The following SPG11 variants were observed in gnomAD, a reference collection of about 807,000 sequenced individuals.
SPG11 encodes spatacsin.
A neutral mutation model predicts 274.0 loss-of-function variants in SPG11; 222 were observed. The observed-to-expected ratio is 0.81, with a 90% confidence interval of 0.73 to 0.91. SPG11 has a LOEUF of 0.91. Among genes scored for constraint, SPG11 ranks in the 40% least tolerant of loss-of-function variants. SPG11 has a pLI of 0.00. For missense variants in SPG11, 3,114 were observed against 2,872.7 expected, an observed-to-expected ratio of 1.08 and a Z score of -1.92; for synonymous variants, 1,144 against 1,039.7, an observed-to-expected ratio of 1.10 and a Z score of -1.93.
intron 16 of SPG11, among the ~76,000 whole-genome samples, chr15:44,614,603 A>C (rs369861699): frequency 4.6e-5 from 7 of 152,340 alleles, no homozygotes; most frequent in African/African-American, 1.4e-4. Flanking sequence ...CCAGAATAAA[A>C]ATTAAGTAGA....
chr15:44,571,743 C>T (rs535654271), intron 33 of SPG11, among the ~76,000 whole-genome samples: 3 of 151,982 alleles, frequency 2.0e-5, no homozygotes, highest in Non-Finnish European at 4.4e-5. Flanking sequence ...ATGATCCACC[C>T]GCCTCGGCCT....
chr15:44,609,469 T>G (rs1329995797), intron 18 of SPG11, among the ~76,000 whole-genome samples: 1 of 152,064 alleles, frequency 6.6e-6, no homozygotes, highest in Non-Finnish European at 1.5e-5. Context: ...CAGGCCACTC[T>G]ACTTCTAAAA....
chr15:44,616,086 T>C (rs1329528152), intron 15 of SPG11, among the ~76,000 whole-genome samples: 1 of 152,194 alleles, frequency 6.6e-6, no homozygotes, highest in Admixed American at 6.5e-5. Flanking sequence ...AGAAACATCA[T>C]GGAACCACTA....
chr15:44,572,781 G>C lies in SPG11; in HGVS notation c.6245C>G (p.Thr2082Arg). 6.2e-7 allele frequency: 1 copy of C among 1,614,076 alleles called. No homozygotes were observed. Among genetic ancestry groups the C allele is most frequent in the Non-Finnish European group, 8.5e-7 (1 of 1,179,992 alleles). Reference protein sequence around the residue: ...QMFNPTEESQTFLQLTTLCQD... With the variant: ...QMFNPTEESQRFLQLTTLCQD... ...ACACAGAGTGGTCAGCTGAAGAAAT[G>C]TCTGGCTTTCCTCTGTTGGGTTGAA... Residue 2082 changes from threonine (T) to arginine (R), a missense_variant, in exon 33 of 40, where the codon ACA becomes AGA. Physicochemically the swap from Thr to Arg is moderately conservative, Grantham distance 71 (BLOSUM62 -1). Transcript: ENST00000261866.
At chr15:44,573,252 T>G (rs1180080169) in intron 32 of SPG11, 2 of 564,450 alleles carry the variant, frequency 3.5e-6, no homozygotes, top group Non-Finnish European at 3.1e-6. Context: ...CCCAAAGTGC[T>G]GGGATTACAG....
intron 30 of SPG11, among the ~76,000 whole-genome samples, chr15:44,578,689 T>C (rs1418572732): frequency 6.6e-6 from 1 of 152,204 alleles, no homozygotes; most frequent in Non-Finnish European, 1.5e-5. Flanking sequence ...ATCTGAATAC[T>C]ACCGCAAAGG....
chr15:44,635,249 C>T (rs530520298), intron 7 of SPG11, among the ~76,000 whole-genome samples: 20 of 151,748 alleles, frequency 1.3e-4, no homozygotes, highest in African/African-American at 4.8e-4. Flanking sequence ...GAGCATGTGG[C>T]CTGAGAAGCC....
intron 7 of SPG11, among the ~76,000 whole-genome samples, chr15:44,639,578 C>T (rs1349411110): frequency 5.3e-5 from 8 of 151,970 alleles, no homozygotes; most frequent in Non-Finnish European, 2.9e-5. Flanking sequence ...TGGTGTGCAA[C>T]CGTAGTCCCA....
rs534771304 is a variant in SPG11 at position 44,606,037 on chromosome 15, G to C, written c.3508C>G (p.Leu1170Val). Residue 1170 changes from leucine to valine, a missense_variant, in exon 20 of 40, where the codon CTA (leucine) becomes GTA (valine). Transcript: ENST00000261866. ...CATGATGACTTACCTCCTATAGCTA[G>C]TGTGTTAGCAGACTGCCAGCCAAAC... The part of the protein sequence containing the change: ...RLFGWQSANT[L>V]AIGDAWSHLP... 3.7e-6 allele frequency: 6 copies of C among 1,613,658 alleles called. No individual in the cohort carries two copies. Among genetic ancestry groups the C allele is most frequent in the Non-Finnish European group, 5.1e-6 (6 of 1,179,708 alleles).
At position 44,626,405 on chromosome 15, in the gene SPG11, T is replaced by A; in HGVS notation, c.2170A>T (p.Ile724Leu). The A allele has an allele frequency of 1.2e-6, 2 of 1,613,918 alleles. No individual in the cohort carries two copies. The highest frequency in any genetic ancestry group is 1.1e-5 in the South Asian group (1 of 91,046). ...SAQKLEELIG[I>L]GLNLVFDNLK... ...TTGTCAAAGACCAAATTTAGGCCTATGCCAATAAGCTCCTCAAGTTTTTGA... is the reference window on the plus strand; with the variant it reads ...TTGTCAAAGACCAAATTTAGGCCTAAGCCAATAAGCTCCTCAAGTTTTTGA... The change falls in exon 11 of 40, where the codon ATA becomes TTA. Residue 724 changes from isoleucine to leucine, a missense_variant. Coordinates refer to ENST00000261866, the MANE Select transcript of SPG11 (RefSeq NM_025137.4).
rs1428320463 is a variant in SPG11 at position 44,569,267 on chromosome 15, G to C, written c.6585+131C>G. On this transcript the variant is annotated intron_variant, in intron 35 of 39. Transcript: ENST00000261866. ...AGCCACTGGTGACAGTGTATGTCTT[G>C]GGGAGGTCCCTAATTCCTTCCCTCC... 6.9e-6 allele frequency: 5 copies of C among 723,504 alleles called. No individual in the cohort carries two copies. In the Admixed American group the frequency reaches 1.0e-4, roughly 15 times the overall value. The allele number at this position is 723,504 out of a possible 1,614,324, so 44.8% of individuals were successfully genotyped here.
intron 7 of SPG11, among the ~76,000 whole-genome samples, chr15:44,641,065 G>A (rs192398510): frequency 4.6e-5 from 7 of 152,240 alleles, no homozygotes; most frequent in East Asian, 1.9e-4. Context: ...AATGGTTATC[G>A]GTATGGGAAA....
At position 44,606,021 on chromosome 15, in the gene SPG11, T is replaced by C. The variant is rs2083308577; in HGVS notation, c.3520+4A>G. ...TGTCTCAAGAAGTACCCATGATGAC[T>C]TACCTCCTATAGCTAGTGTGTTAGC... On this transcript the variant is annotated splice_donor_region_variant and intron_variant, in intron 20 of 39. Transcript: ENST00000261866. The C allele has an allele frequency of 6.2e-7, 1 of 1,612,986 alleles. No individual in the cohort carries two copies. The highest frequency in any genetic ancestry group is 1.3e-5 in the African/African-American group (1 of 74,900).
chr15:44,606,253 T>C (rs1237558457), intron 19 of SPG11, 162 bp from the exon 20 acceptor site: 3 of 608,688 alleles, frequency 4.9e-6, no homozygotes, highest in South Asian at 1.9e-5. Flanking sequence ...AAAAATAAAA[T>C]AGAATTATGA....
At chr15:44,657,043 CTT>C (rs991464457) in intron 4 of SPG11, 50 bp downstream of exon 4, 3 of 1,513,342 alleles carry the variant, frequency 2.0e-6, no homozygotes, top group Non-Finnish European at 2.7e-6. Flanking sequence ...TTTTTAACCT[CTT>C]ATCAGTCTAA....
chr15:44,659,185 T>C lies in SPG11; in HGVS notation c.561A>G (p.Val187=), dbSNP rs1177000583. 1.2e-6 allele frequency: 2 copies of C among 1,614,058 alleles called. No individual in the cohort carries two copies. Among genetic ancestry groups the C allele is most frequent in the African/African-American group, 2.7e-5 (2 of 74,932 alleles). ...IFPERDAAIR[V]LNCFTLPLPA... Reference sequence around the variant, plus strand: ...GCAAGGGAAGTGTGAAACAGTTGAGTACTCTAATTGCAGCATCTCTTTCAG... The same window carrying C: ...GCAAGGGAAGTGTGAAACAGTTGAGCACTCTAATTGCAGCATCTCTTTCAG... Residue 187 remains valine, a synonymous_variant, in exon 3 of 40, where the codon GTA becomes GTG. Coordinates refer to ENST00000261866, the MANE Select transcript of SPG11 (RefSeq NM_025137.4).
intron 31 of SPG11, among the ~76,000 whole-genome samples, chr15:44,574,541 T>C (rs2082493681): frequency 6.6e-6 from 1 of 152,190 alleles, no homozygotes; most frequent in Non-Finnish European, 1.5e-5. Context: ...CTCTTGTCTT[T>C]ATAGTCATCA....
intron 5 of SPG11, 85 bp from the exon 6 acceptor site, chr15:44,652,024 A>T: frequency 5.2e-6 from 5 of 965,198 alleles, no homozygotes; most frequent in Non-Finnish European, 7.4e-6. Flanking sequence ...AGATGTTCTT[A>T]AAAAAAAAAA....
chr15:44,653,126 G>A (rs1482435643), intron 4 of SPG11, among the ~76,000 whole-genome samples: 1 of 152,084 alleles, frequency 6.6e-6, no homozygotes, highest in Non-Finnish European at 1.5e-5. Context: ...AATGGGATGA[G>A]GCTAGAAAGA....
Sources: allele counts gnomAD v4.1 joint callset (sites outside exome capture counted in the v4.1 genomes callset), GRCh38; gene constraint gnomAD v4.1.1; transcripts MANE v1.5; gene names NCBI Gene and HGNC (gene_info 2026-07-23, HGNC 2026-07-21).